SLC4A8: variants seen among roughly 807,000 people sequenced by gnomAD.
The protein encoded by SLC4A8 is solute carrier family 4 member 8.
Under a neutral mutation model 125.0 loss-of-function variants are expected in SLC4A8, and 40 were observed. That is an observed-to-expected ratio of 0.32 (90% CI 0.25 to 0.42). The LOEUF is 0.42. SLC4A8 is among the 10% of genes least tolerant of loss of function. The probability of loss-of-function intolerance (pLI) is 1.00; values close to 1 mark genes in which losing one functional copy is unlikely to be tolerated. For synonymous variants in SLC4A8, 456 were observed against 476.0 expected, an observed-to-expected ratio of 0.96 and a Z score of 0.55; for missense variants, 863 against 1,355.1, an observed-to-expected ratio of 0.64 and a Z score of 5.70.
Position 51,471,439 on chromosome 12 carries a change from T to C in SLC4A8, c.1811T>C (p.Ile604Thr). Residue 604 changes from isoleucine (I) to threonine (T), a missense_variant, in exon 14 of 25, where the codon ATT becomes ACT. Physicochemically the swap from Ile to Thr is moderately conservative, Grantham distance 89. Around this residue, in one of 6 missense-constraint regions of SLC4A8, gnomAD observed 76 missense variants for 80.2 expected, o/e 0.95. Transcript: ENST00000453097. ...EEAFASLICI[I>T]FIYEAIEKLI... is the part of the protein sequence containing the mutation. Reference sequence around the variant, plus strand: ...GCATTTGCCTCCCTAATTTGCATTATTTTCATCTATGAAGCAATAGAAAAA... The same window carrying C: ...GCATTTGCCTCCCTAATTTGCATTACTTTCATCTATGAAGCAATAGAAAAA... 1 of 1,614,182 alleles carries C rather than the reference T, an allele frequency of 6.2e-7. No homozygotes were observed. Among genetic ancestry groups the C allele is most frequent in the Non-Finnish European group, 8.5e-7 (1 of 1,180,026 alleles).
At chr12:51,408,959 A>T (rs1217139348) in intron 1 of SLC4A8, among the ~76,000 whole-genome samples, 2 of 152,098 alleles carry the variant, frequency 1.3e-5, no homozygotes, top group Non-Finnish European at 2.9e-5. Context: ...AATTAAAAAA[A>T]CCCTGTTCAT....
At chr12:51,419,066 A>G (rs929678939) in intron 1 of SLC4A8, among the ~76,000 whole-genome samples, 1 of 152,198 alleles carries the variant, frequency 6.6e-6, no homozygotes, top group Admixed American at 6.5e-5. Context: ...ATTGAAGCCA[A>G]TTCAATTTTA....
At chr12:51,400,670 T>G (rs114224170) in intron 1 of SLC4A8, among the ~76,000 whole-genome samples, 2,073 of 145,442 alleles carry the variant, frequency 0.014, 57 homozygotes, top group African/African-American at 0.05. Context: ...GTCTAGTTTG[T>G]TTATATGACA....
chr12:51,406,078 A>G (rs1361683427), intron 1 of SLC4A8, among the ~76,000 whole-genome samples: 1 of 152,250 alleles, frequency 6.6e-6, no homozygotes, highest in Non-Finnish European at 1.5e-5. Context: ...CCTTGAGAGT[A>G]TCCCAACAGT....
At chr12:51,400,760 A>G (rs1419470167) in intron 1 of SLC4A8, among the ~76,000 whole-genome samples, 267 of 3,986 alleles carry the variant, frequency 0.067, 34 homozygotes, top group Non-Finnish European at 0.11. Context: ...ATATATATAT[A>G]TATATATATA....
At chr12:51,488,600 C>A in intron 17 of SLC4A8, 99 bp from the exon 18 acceptor site, 8 of 822,878 alleles carry the variant, frequency 9.7e-6, no homozygotes, top group South Asian at 2.8e-5. Context: ...GAACCTCACT[C>A]AAGAATAAAA....
rs571443446 is a variant in SLC4A8 at position 51,493,743 on chromosome 12, A to G, written c.2740A>G (p.Met914Val). The change falls in exon 20 of 25, where the codon ATG (methionine) becomes GTG (valine). Residue 914 changes from methionine (M) to valine (V), a missense_variant. By Grantham distance (21) the Met-to-Val change is conservative (BLOSUM62 1). This residue lies in a region of SLC4A8 where 197 missense variants were observed against 377.7 expected (regional missense o/e 0.52). Transcript: ENST00000453097. ...MPVLYGVFLY[M>V]GVSSLQGIQF... ...AGTACTCTACGGAGTTTTCCTTTAC[A>G]TGGGAGTTTCTTCACTACAGGGAAT... 6.2e-7 allele frequency: 1 copy of G among 1,610,274 alleles called. No individual in the cohort carries two copies. Among genetic ancestry groups the G allele is most frequent in the Admixed American group, 1.7e-5 (1 of 60,008 alleles).
intron 12 of SLC4A8, 66 bp from the exon 13 acceptor site, chr12:51,470,326 T>C: frequency 6.6e-7 from 1 of 1,505,928 alleles, no homozygotes; most frequent in Admixed American, 1.8e-5. Context: ...GTCAGGAATG[T>C]AGCTAAGCCA....
Position 51,450,878 on chromosome 12 carries a change from C to A in SLC4A8, c.133C>A (p.His45Asn). 1 of 1,613,326 alleles carries A rather than the reference C, an allele frequency of 6.2e-7. No individual in the cohort carries two copies. Among genetic ancestry groups the A allele is most frequent in the South Asian group, 1.1e-5 (1 of 90,880 alleles). The change falls in exon 3 of 25, where the codon CAC (histidine) becomes AAC (asparagine). Residue 45 changes from histidine to asparagine, a missense_variant and splice_region_variant. His to Asn is a moderately conservative substitution (Grantham distance 68, BLOSUM62 1). This residue lies in a region of SLC4A8 where 104 missense variants were observed against 116.4 expected (regional missense o/e 0.89). Coordinates refer to ENST00000453097, the MANE Select transcript of SLC4A8 (RefSeq NM_001039960.3). ...ACAGACCTTCTGCTTCTTTCCAGGT[C>A]ACAGAACTCTGTATGTGGGAGTTCG... The part of the protein sequence containing the change: ...IHYEKEELEG[H>N]RTLYVGVRMP...
intron 1 of SLC4A8, among the ~76,000 whole-genome samples, chr12:51,432,679 C>T (rs181743897): frequency 5.9e-5 from 9 of 152,100 alleles, no homozygotes; most frequent in Non-Finnish European, 1.0e-4. Context: ...GCTGAGATGG[C>T]GCCTCTGCAC....
chr12:51,505,782 G>A, intron 23 of SLC4A8, 53 bp from the exon 24 acceptor site: 7 of 796,230 alleles, frequency 8.8e-6, no homozygotes, highest in Non-Finnish European at 1.3e-5. Flanking sequence ...ATAGACTGTG[G>A]TATGTATTTT....
chr12:51,474,646 T>C, intron 15 of SLC4A8, 199 bp downstream of exon 15: 2 of 950,102 alleles, frequency 2.1e-6, no homozygotes, highest in Non-Finnish European at 3.0e-6. Flanking sequence ...TACCCTTCTC[T>C]TTTCTCCCCC....
chr12:51,504,628 G>T (rs1257450672), intron 23 of SLC4A8, among the ~76,000 whole-genome samples: 1 of 152,172 alleles, frequency 6.6e-6, no homozygotes, highest in African/African-American at 2.4e-5. Flanking sequence ...TTTATTTCCA[G>T]AGAGTTCTCA....
chr12:51,428,523 T>G (rs1027324797), intron 1 of SLC4A8, among the ~76,000 whole-genome samples: 1 of 152,330 alleles, frequency 6.6e-6, no homozygotes, highest in African/African-American at 2.4e-5. Context: ...TGTTGTGCCT[T>G]TGCTCAGGCG....
intron 1 of SLC4A8, among the ~76,000 whole-genome samples, chr12:51,418,258 T>A (rs781744808): frequency 6.6e-6 from 1 of 152,184 alleles, no homozygotes; most frequent in Non-Finnish European, 1.5e-5. Flanking sequence ...GTGAGTACTC[T>A]GTGACTAGAG....
chr12:51,461,995 T>A (rs75421872), intron 9 of SLC4A8: 62 of 151,610 alleles, frequency 4.1e-4, no homozygotes, highest in South Asian at 1.1e-3. Context: ...CTGATTAAAA[T>A]TTTTTTTTTC....
intron 14 of SLC4A8, among the ~76,000 whole-genome samples, chr12:51,472,445 A>G (rs905867761): frequency 6.6e-6 from 1 of 152,228 alleles, no homozygotes; most frequent in Non-Finnish European, 1.5e-5. Context: ...ATTTATTAGA[A>G]CTTTATTTTA....
chr12:51,460,141 C>G, intron 8 of SLC4A8, 33 bp downstream of exon 8: 11 of 1,582,014 alleles, frequency 7.0e-6, no homozygotes, highest in Non-Finnish European at 9.6e-6. Flanking sequence ...TGCATTCTAT[C>G]CAAAATTCAA....
At chr12:51,417,931 C>T (rs1948718749) in intron 1 of SLC4A8, among the ~76,000 whole-genome samples, 2 of 152,204 alleles carry the variant, frequency 1.3e-5, no homozygotes, top group Admixed American at 1.3e-4. Context: ...GGATTAGAGG[C>T]GTGAGCCACC....
Sources: gnomAD v4.1 joint callset for allele counts (sites outside exome capture counted in the v4.1 genomes callset) on GRCh38, gnomAD v4.1.1 for gene constraint, gnomAD v4.1.1 regional missense constraint, MANE v1.5 for transcripts, NCBI Gene and HGNC (gene_info 2026-07-23, HGNC 2026-07-21) for gene names.